Variants in LAMA3 observed in about 807,000 individuals in gnomAD.
The protein encoded by LAMA3 is laminin subunit alpha 3.
Under a neutral mutation model 402.0 loss-of-function variants are expected in LAMA3, and 281 were observed. The observed-to-expected ratio is 0.70, with a 90% CI of 0.63 to 0.77. LAMA3 has a LOEUF of 0.77. Ranked by LOEUF, LAMA3 falls within the 30% of genes least tolerant of loss-of-function variation. The pLI is 0.00. For synonymous variants in LAMA3, 1,431 were observed against 1,558.4 expected, an observed-to-expected ratio of 0.92 and a Z score of 1.93; for missense variants, 3,840 against 4,215.5, an observed-to-expected ratio of 0.91 and a Z score of 2.47.
chr18:23,725,285 A>G (rs995140716), intron 2 of LAMA3, among the ~76,000 whole-genome samples: 2 of 152,036 alleles, frequency 1.3e-5, no homozygotes, highest in Admixed American at 1.3e-4. Context: ...AATCTTTTGT[A>G]TTTTTAGTAG....
intron 2 of LAMA3, among the ~76,000 whole-genome samples, chr18:23,731,985 A>C (rs143468328): frequency 0.011 from 1,612 of 152,334 alleles, 24 homozygotes; most frequent in Middle Eastern, 0.02. Context: ...CTTCAGAGTC[A>C]CATGAGATCA....
intron 27 of LAMA3, among the ~76,000 whole-genome samples, chr18:23,841,058 T>C (rs2063691029): frequency 6.6e-6 from 1 of 152,208 alleles, no homozygotes; most frequent in South Asian, 2.1e-4. Context: ...GTGTTCACAG[T>C]GCATTGGATT....
In LAMA3 at chr18:23,861,758, CCATCCACAGCGCGTCCTGGGTCG is replaced by C. The variant is rs1555716754; in HGVS notation, c.4538_4560del (p.Ile1513ThrfsTer50). ...GCGGATCTCCAGGAGCTGCCCGCAA[CCATCCACAGCGCGTCCTGGGTCG>C]CACCCACCTCCTACCTGGGGGACAA... On this transcript the variant is annotated frameshift_variant, in exon 35 of 75. Coordinates refer to ENST00000313654, the MANE Select transcript of LAMA3 (RefSeq NM_198129.4). LOFTEE classifies it high-confidence loss of function. 2 of 1,613,894 alleles carry C rather than the reference CCATCCACAGCGCGTCCTGGGTCG, an allele frequency of 1.2e-6. No individual in the cohort carries two copies. Among genetic ancestry groups the C allele is most frequent in the Non-Finnish European group, 1.7e-6 (2 of 1,179,934 alleles).
At chr18:23,864,259 C>T (rs1421879692) in intron 35 of LAMA3, among the ~76,000 whole-genome samples, 3 of 150,148 alleles carry the variant, frequency 2.0e-5, no homozygotes, top group African/African-American at 4.9e-5. Context: ...CAGGGTCTTG[C>T]CCTGTTGCCC....
Position 23,763,506 on chromosome 18 carries a change from G to C in LAMA3, c.1165G>C (p.Val389Leu). 6.2e-7 allele frequency: 1 copy of C among 1,604,882 alleles called. No homozygotes were observed. Among genetic ancestry groups the C allele is most frequent in the Non-Finnish European group, 8.5e-7 (1 of 1,171,578 alleles). Residue 389 changes from valine to leucine, a missense_variant, in exon 8 of 75, where the codon GTC becomes CTC. Transcript: ENST00000313654. The stretch of plus-strand genomic sequence containing the variant: ...CCAGGGCATCTATGCTGGTGGAGGG[G>C]TCTGCATTAACTGTCAGGTGAGGCA... ...NTQGIYAGGG[V>L]CINCQHNTAG...
At chr18:23,792,470 C>G (rs1239791014) in intron 12 of LAMA3, among the ~76,000 whole-genome samples, 1 of 152,154 alleles carries the variant, frequency 6.6e-6, no homozygotes, top group African/African-American at 2.4e-5. Flanking sequence ...CTCACGGTAA[C>G]TAATCCGAGG....
At position 23,773,638 on chromosome 18, in the gene LAMA3, C is replaced by T. The variant is rs187997925; in HGVS notation, c.1273+51C>T. 422 of 1,188,544 alleles carry T rather than the reference C, an allele frequency of 3.6e-4. 1 individual carries two copies. Among genetic ancestry groups the T allele is most frequent in the South Asian group, 9.3e-4 (72 of 77,166 alleles). The allele number at this position is 1,188,544 out of a possible 1,614,324, so 73.6% of individuals were successfully genotyped here. On this transcript the variant is annotated intron_variant, in intron 9 of 74. Transcript: ENST00000313654. Reference sequence around the variant, plus strand: ...TCTTAGCCTGTGTGTACTGCCTCAGCGAAGTCATCAGGCTAACTTTGGATC... The same window carrying T: ...TCTTAGCCTGTGTGTACTGCCTCAGTGAAGTCATCAGGCTAACTTTGGATC...
chr18:23,912,642 C>A, intron 55 of LAMA3, 69 bp from the exon 56 acceptor site: 1 of 1,335,490 alleles, frequency 7.5e-7, no homozygotes, highest in Admixed American at 1.7e-5. Context: ...GAGTCACAAA[C>A]TAGCTCTCTG....
At chr18:23,917,934 C>A (rs2081695744) in intron 60 of LAMA3, among the ~76,000 whole-genome samples, 3 of 151,856 alleles carry the variant, frequency 2.0e-5, no homozygotes, top group Non-Finnish European at 2.9e-5. Flanking sequence ...ATCATGAAAT[C>A]TTTGCAAAGG....
chr18:23,707,785 C>T (rs1465177615), intron 1 of LAMA3, among the ~76,000 whole-genome samples: 11 of 149,306 alleles, frequency 7.4e-5, no homozygotes, highest in African/African-American at 2.2e-4. Context: ...CTTGCTCTGT[C>T]GCCCAGGATG....
intron 66 of LAMA3, 88 bp downstream of exon 66, chr18:23,932,379 T>A: frequency 7.0e-7 from 1 of 1,424,554 alleles, no homozygotes; most frequent in Non-Finnish European, 9.9e-7. Context: ...AAAGTCAGCT[T>A]TGTCAACATG....
At chr18:23,950,987 G>A (rs2145568328) in intron 72 of LAMA3, among the ~76,000 whole-genome samples, 1 of 152,322 alleles carries the variant, frequency 6.6e-6, no homozygotes, top group South Asian at 2.1e-4. Context: ...CATAATAGCA[G>A]TGACATTGTT....
At position 23,839,164 on chromosome 18, in the gene LAMA3, G is replaced by T. The variant is rs928468106; in HGVS notation, c.3191+286G>T. Among the ~76,000 whole-genome samples the T allele has an allele frequency of 1.3e-4, 20 of 152,170 alleles. 1 individual carries two copies. The East Asian group carries it at 2.1e-3, about 16-fold the overall frequency. Reference sequence around the variant, plus strand: ...CTATTCTGAGCCCTCGAAAAGACTCGTTTTGTTCCAATCTTTTAATCTTTC... The same window carrying T: ...CTATTCTGAGCCCTCGAAAAGACTCTTTTTGTTCCAATCTTTTAATCTTTC... On this transcript the variant is annotated intron_variant, in intron 26 of 74. Coordinates refer to ENST00000313654, the MANE Select transcript of LAMA3 (RefSeq NM_198129.4). The surrounding 1 kb of genome is among the most constrained non-coding windows in gnomAD (Gnocchi z 4.5).
Position 23,932,621 on chromosome 18 carries a change from C to G in LAMA3, c.8708+330C>G. The G allele has an allele frequency of 2.1e-5, 7 of 329,588 alleles. 1 individual carries two copies. The highest frequency in any genetic ancestry group is 2.0e-4 in the South Asian group (7 of 35,834). 20.4% of individuals were successfully genotyped at this position (329,588 alleles called of 1,614,324 possible). ...AGATTGTGCAATTAGATTTAATCAG[C>G]TCTCCACGGTTTTCAAGGCCAAGGA... is the stretch of plus-strand genomic sequence containing the variant. On this transcript the variant is annotated intron_variant, in intron 66 of 74. Coordinates refer to ENST00000313654, the MANE Select transcript of LAMA3 (RefSeq NM_198129.4).
At chr18:23,840,602 G>A (rs897104236) in intron 27 of LAMA3, among the ~76,000 whole-genome samples, 2 of 151,728 alleles carry the variant, frequency 1.3e-5, no homozygotes, top group African/African-American at 4.8e-5. Flanking sequence ...GCCCAGGTTG[G>A]TCTCGAACCA....
At chr18:23,861,540 G>A in intron 34 of LAMA3, 106 bp from the exon 35 acceptor site, 2 of 1,295,752 alleles carry the variant, frequency 1.5e-6, no homozygotes, top group Non-Finnish European at 2.2e-6. Context: ...GGCCTCTGAG[G>A]CAAGGAGGCT....
chr18:23,840,365 C>T (rs908149564), intron 27 of LAMA3, among the ~76,000 whole-genome samples: 1 of 148,014 alleles, frequency 6.8e-6, no homozygotes, highest in Admixed American at 6.9e-5. Context: ...GTTATTGTAG[C>T]CAAGAACCTT....
intron 23 of LAMA3, among the ~76,000 whole-genome samples, chr18:23,831,284 G>A (rs971962698): frequency 6.6e-6 from 1 of 152,072 alleles, no homozygotes; most frequent in African/African-American, 2.4e-5. Flanking sequence ...ATTTTAACAT[G>A]GCTTATAAAA....
chr18:23,922,912 G>A (rs1382979424), intron 62 of LAMA3, among the ~76,000 whole-genome samples: 1 of 152,190 alleles, frequency 6.6e-6, no homozygotes, highest in South Asian at 2.1e-4. Context: ...GGTGGAGCCT[G>A]GAGAAGAACA....
Sources: allele counts gnomAD v4.1 joint callset (sites outside exome capture counted in the v4.1 genomes callset), GRCh38; gene constraint gnomAD v4.1.1; non-coding constraint Gnocchi (gnomAD v3.1); transcripts MANE v1.5; gene names NCBI Gene and HGNC (gene_info 2026-07-23, HGNC 2026-07-21).